SMARCA5: variants seen among roughly 807,000 people sequenced by gnomAD.
SMARCA5 encodes the protein SWI/SNF-related matrix-associated actin-dependent regulator of chromatin subfamily A member 5.
SMARCA5 carries 18 observed loss-of-function variants against 140.4 expected under a neutral mutation model. That is an observed-to-expected ratio of 0.13 (90% confidence interval 0.09 to 0.19). The LOEUF is 0.19. Among genes scored for constraint, SMARCA5 ranks in the 10% least tolerant of loss-of-function variants. SMARCA5 has a pLI of 1.00. For missense variants in SMARCA5, 606 were observed against 1,276.8 expected, an observed-to-expected ratio of 0.47 and a Z score of 8.01; for synonymous variants, 449 against 419.6, an observed-to-expected ratio of 1.07 and a Z score of -0.86.
At chr4:143,551,612 A>G (rs561287358) in intron 23 of SMARCA5, among the ~76,000 whole-genome samples, 2 of 152,214 alleles carry the variant, frequency 1.3e-5, no homozygotes, top group South Asian at 2.1e-4. Flanking sequence ...TCTTCTGTGT[A>G]TGGATATCCA....
chr4:143,528,807 T>C, intron 8 of SMARCA5, 93 bp downstream of exon 8: 2 of 1,072,670 alleles, frequency 1.9e-6, no homozygotes, highest in Admixed American at 5.6e-5. Flanking sequence ...TTAGCATGGC[T>C]TGAGGTTATT....
At chr4:143,524,877 A>G (rs528545636) in intron 4 of SMARCA5, among the ~76,000 whole-genome samples, 108 of 152,248 alleles carry the variant, frequency 7.1e-4, no homozygotes, top group Middle Eastern at 6.8e-3. Context: ...GTGTTTTTCA[A>G]AAGGAGATGG....
At chr4:143,542,184 A>G (rs1489086552) in intron 14 of SMARCA5, among the ~76,000 whole-genome samples, 3 of 152,204 alleles carry the variant, frequency 2.0e-5, no homozygotes, top group Non-Finnish European at 4.4e-5. Context: ...AAGATAAAAA[A>G]GACCTTAATT....
intron 4 of SMARCA5, among the ~76,000 whole-genome samples, chr4:143,524,895 C>T (rs757536989): frequency 7.9e-5 from 12 of 152,076 alleles, no homozygotes; most frequent in Non-Finnish European, 1.5e-4. Context: ...TGGAGGGCTA[C>T]ACTGTGTACA....
rs759771412 is a variant in SMARCA5, at chr4:143,527,859, G to T, written c.802-9G>T. 1 of 1,584,418 alleles carries T rather than the reference G, an allele frequency of 6.3e-7. No homozygotes were observed. Among genetic ancestry groups the T allele is most frequent in the South Asian group, 1.2e-5 (1 of 84,886 alleles). On this transcript the variant is annotated splice_polypyrimidine_tract_variant and intron_variant, in intron 6 of 23. Transcript: ENST00000283131. ...CTACGTGATGTAATTTTTTTCTCTTGTTACACAGGCTGCTTTTGTCAGAGA... is the reference window on the plus strand; with the variant it reads ...CTACGTGATGTAATTTTTTTCTCTTTTTACACAGGCTGCTTTTGTCAGAGA...
At chr4:143,514,267 C>T (rs1190175719) in intron 1 of SMARCA5, 166 bp downstream of exon 1, 4 of 633,644 alleles carry the variant, frequency 6.3e-6, no homozygotes, top group East Asian at 3.2e-5. Flanking sequence ...CTCCCTTGTT[C>T]TTACCCTATT....
intron 23 of SMARCA5, 81 bp from the exon 24 acceptor site, chr4:143,553,038 C>T: frequency 2.9e-6 from 3 of 1,045,022 alleles, no homozygotes; most frequent in Non-Finnish European, 4.5e-6. Context: ...GTTGTTATTA[C>T]TAAAGTGTTA....
chr4:143,542,434 A>G (rs1424125771), intron 14 of SMARCA5, among the ~76,000 whole-genome samples: 1 of 152,180 alleles, frequency 6.6e-6, no homozygotes, highest in African/African-American at 2.4e-5. Context: ...CCAACTTGGA[A>G]GTAGTTTGTA....
intron 9 of SMARCA5, among the ~76,000 whole-genome samples, chr4:143,531,679 A>G (rs1737188042): frequency 6.6e-6 from 1 of 152,176 alleles, no homozygotes; most frequent in Admixed American, 6.5e-5. Flanking sequence ...TCCATGACCT[A>G]ACCTTTTTAA....
chr4:143,528,116 T>A, intron 7 of SMARCA5, 93 bp downstream of exon 7: 1 of 964,450 alleles, frequency 1.0e-6, no homozygotes, highest in South Asian at 1.9e-5. Context: ...ATGAGATACA[T>A]GTGCAGAACG....
chr4:143,553,111 G>C lies in SMARCA5; in HGVS notation c.3094-8G>C, dbSNP rs1035046673. Reference sequence around the variant, plus strand: ...CTTGTGAAAAGTAATCCTTCTGTCTGTTTGTAGACACAGAAACGTAAAATG... The same window carrying C: ...CTTGTGAAAAGTAATCCTTCTGTCTCTTTGTAGACACAGAAACGTAAAATG... On this transcript the variant is annotated splice_region_variant and splice_polypyrimidine_tract_variant and intron_variant, in intron 23 of 23. Coordinates refer to ENST00000283131, the MANE Select transcript of SMARCA5 (RefSeq NM_003601.4). The C allele has an allele frequency of 4.0e-5, 65 of 1,607,662 alleles. No homozygotes were observed. The highest frequency in any genetic ancestry group is 4.9e-5 in the Non-Finnish European group (57 of 1,174,558).
chr4:143,530,458 G>T lies in SMARCA5; in HGVS notation c.1090G>T (p.Asp364Tyr). ...GTATATTTTTTGTTTGTTTATCTAG[G>T]ACTTTGATTCCTGGTTTGATACAAA... ...LLPDVFNSAD[D>Y]FDSWFDTNNC... The change falls in exon 9 of 24, where the codon GAC becomes TAC. Residue 364 changes from aspartate (D) to tyrosine (Y), a missense_variant and splice_region_variant. Around this residue, in one of 10 missense-constraint regions of SMARCA5, gnomAD observed 15 missense variants for 27.4 expected, o/e 0.55. Transcript: ENST00000283131. 6.2e-7 allele frequency: 1 copy of T among 1,608,032 alleles called. No homozygotes were observed. Among genetic ancestry groups the T allele is most frequent in the South Asian group, 1.1e-5 (1 of 90,480 alleles).
chr4:143,552,512 T>A (rs1289327848), intron 23 of SMARCA5, among the ~76,000 whole-genome samples: 1 of 152,040 alleles, frequency 6.6e-6, no homozygotes, highest in Non-Finnish European at 1.5e-5. Flanking sequence ...TGGGGCTTCG[T>A]GAAAATCAGG....
At position 143,550,110 on chromosome 4, in the gene SMARCA5, T is replaced by C; in HGVS notation, c.3093+6T>C. The C allele has an allele frequency of 1.4e-6, 2 of 1,423,358 alleles. No individual in the cohort carries two copies. The highest frequency in any genetic ancestry group is 1.9e-6 in the Non-Finnish European group (2 of 1,029,132). The allele number at this position is 1,423,358 out of a possible 1,614,324, so 88.2% of individuals were successfully genotyped here. A position where few individuals can be genotyped will look rare whatever the true frequency, so the allele number is the denominator to read the frequency against. On this transcript the variant is annotated splice_donor_region_variant and intron_variant, in intron 23 of 23. Transcript: ENST00000283131. The stretch of plus-strand genomic sequence containing the variant: ...AACGAGGACCAAAGCCTTCAGTAAG[T>C]ATTCATGAATATGTAAATATGTGGA...
At chr4:143,548,880 C>G (rs983735984) in intron 22 of SMARCA5, among the ~76,000 whole-genome samples, 8 of 151,982 alleles carry the variant, frequency 5.3e-5, no homozygotes, top group Non-Finnish European at 5.9e-5. Flanking sequence ...CTTTGTAAGA[C>G]AGTGGATAGT....
rs991113092 is a variant in SMARCA5, at chr4:143,513,705, G to C, written c.-220G>C. 3.5e-6 allele frequency: 2 copies of C among 568,228 alleles called. No individual in the cohort carries two copies. Among genetic ancestry groups the C allele is most frequent in the African/African-American group, 2.0e-5 (1 of 49,810 alleles). The allele number at this position is 568,228 out of a possible 1,614,324, so 35.2% of individuals were successfully genotyped here. The stretch of plus-strand genomic sequence containing the variant: ...TGATTCCCGCCGTGAGGTAAGCGCC[G>C]GTGGAACCTAGAGCCCCGCGGAAGA... On this transcript the variant is annotated 5_prime_UTR_variant, in exon 1 of 24. Transcript: ENST00000283131.
intron 1 of SMARCA5, among the ~76,000 whole-genome samples, chr4:143,515,341 T>A (rs1412457436): frequency 6.6e-6 from 1 of 152,116 alleles, no homozygotes; most frequent in Non-Finnish European, 1.5e-5. Context: ...TAGTTTTGAG[T>A]GATTAAGATA....
At position 143,540,607 on chromosome 4, in the gene SMARCA5, A is replaced by G. The variant is rs1560819721; in HGVS notation, c.1903+112A>G. 9.3e-6 allele frequency: 9 copies of G among 966,298 alleles called. No individual in the cohort carries two copies. In the South Asian group the frequency reaches 1.5e-4, roughly 16 times the overall value. 59.9% of individuals were successfully genotyped at this position (966,298 alleles called of 1,614,324 possible). The stretch of plus-strand genomic sequence containing the variant: ...TAAGCATCCATTGAGTCAAGCTTGC[A>G]GCCAGTAGAGATGACTTGTATTGCA... On this transcript the variant is annotated intron_variant, in intron 14 of 23. Transcript: ENST00000283131.
Position 143,554,477 on chromosome 4 carries a change from TA to T in SMARCA5, c.*1294del, listed in dbSNP as rs1737708576. The stretch of plus-strand genomic sequence containing the variant: ...GGATATCTTTCCCTTAAATTTCTAT[TA>T]GTAGTTGTTTTCATCTGCCCACATG... On this transcript the variant is annotated 3_prime_UTR_variant, in exon 24 of 24. Coordinates refer to ENST00000283131, the MANE Select transcript of SMARCA5 (RefSeq NM_003601.4). 1 of 96,832 alleles carries T rather than the reference TA, an allele frequency of 1.0e-5. No individual in the cohort carries two copies. The highest frequency in any genetic ancestry group is 2.3e-5 in the Non-Finnish European group (1 of 43,396). The allele number at this position is 96,832 out of a possible 1,614,324, so 6.0% of individuals were successfully genotyped here.
Sources: allele counts gnomAD v4.1 joint callset (sites outside exome capture counted in the v4.1 genomes callset), GRCh38; gene constraint gnomAD v4.1.1; regional missense constraint gnomAD v4.1.1; transcripts MANE v1.5; gene names NCBI Gene and HGNC (gene_info 2026-07-23, HGNC 2026-07-21).